PRKG1: variants seen among roughly 807,000 people sequenced by gnomAD.
PRKG1 encodes the protein protein kinase cGMP-dependent 1.
Under a neutral mutation model 88.1 loss-of-function variants are expected in PRKG1, and 35 were observed. The ratio of observed to expected loss-of-function variants is 0.40; its 90% confidence interval spans 0.30 to 0.53. The LOEUF (loss-of-function observed/expected upper bound fraction) is 0.53. PRKG1 is among the 20% of genes least tolerant of loss of function. PRKG1 has a pLI of 0.59. For synonymous variants in PRKG1, 303 were observed against 292.5 expected (o/e 1.04, Z -0.37); for missense variants, 540 against 839.8 (o/e 0.64, Z 4.41).
Position 52,297,042 on chromosome 10 carries a change from A to T in PRKG1, c.*3142A>T, listed in dbSNP as rs886278357. The T allele has an allele frequency of 6.6e-6, 1 of 152,140 alleles. No individual in the cohort carries two copies. The highest frequency in any genetic ancestry group is 2.4e-5 in the African/African-American group (1 of 41,452). The allele number at this position is 152,140 out of a possible 1,614,324, so 9.4% of individuals were successfully genotyped here. A position where few individuals can be genotyped will look rare whatever the true frequency, so the allele number is the denominator to read the frequency against. ...GTCAGCTACCATGTTGAAAATAAGGATATTAGAACTGATTTCATACAATAG... is the reference window on the plus strand; with the variant it reads ...GTCAGCTACCATGTTGAAAATAAGGTTATTAGAACTGATTTCATACAATAG... On this transcript the variant is annotated 3_prime_UTR_variant, in exon 18 of 18. Coordinates refer to ENST00000373980, the MANE Select transcript of PRKG1 (RefSeq NM_006258.4).
At chr10:51,131,819 C>T (rs941731739) in intron 1 of PRKG1, among the ~76,000 whole-genome samples, 4 of 151,992 alleles carry the variant, frequency 2.6e-5, no homozygotes, top group South Asian at 2.1e-4. Context: ...GACTTTCTCA[C>T]GTTATGCAGG....
intron 5 of PRKG1, among the ~76,000 whole-genome samples, chr10:52,000,150 T>A (rs971259623): frequency 1.3e-5 from 2 of 152,072 alleles, no homozygotes; most frequent in African/African-American, 4.8e-5. Flanking sequence ...TTATGGGAGA[T>A]AATAAAAAAG....
At chr10:52,128,353 G>T (rs948895664) in intron 7 of PRKG1, 106 of 985,320 alleles carry the variant, frequency 1.1e-4, no homozygotes, top group Non-Finnish European at 1.2e-4. Context: ...CATACATTCT[G>T]TGTTTGTTCC....
chr10:51,629,849 A>G (rs1406959651), intron 3 of PRKG1, among the ~76,000 whole-genome samples: 1 of 152,198 alleles, frequency 6.6e-6, no homozygotes, highest in Non-Finnish European at 1.5e-5. Flanking sequence ...ATAGATGATC[A>G]TGCACCAGCT....
Position 52,197,241 on chromosome 10 carries a change from A to G in PRKG1, c.1076+35278A>G, listed in dbSNP as rs1282727686. On this transcript the variant is annotated intron_variant, in intron 9 of 17. Transcript: ENST00000373980. ...TCATGAGATAATCTCTAAAGATGCA[A>G]AAGAATTGGATCCCTTCATACATTC... Among the ~76,000 whole-genome samples, 7 of 152,166 alleles carry G rather than the reference A, an allele frequency of 4.6e-5. No individual in the cohort carries two copies. The East Asian group carries it at 1.3e-3, about 29-fold the overall frequency.
intron 5 of PRKG1, among the ~76,000 whole-genome samples, chr10:51,915,805 T>C (rs780466726): frequency 2.6e-5 from 4 of 152,080 alleles, no homozygotes; most frequent in Non-Finnish European, 5.9e-5. Flanking sequence ...TGAATAGACC[T>C]TTCTCCAAAG....
rs77773271 is a variant in PRKG1, at chr10:51,004,985, T to C, written c.266+13341T>C. Among the ~76,000 whole-genome samples the C allele has an allele frequency of 2.8e-3, 420 of 152,304 alleles. 1 individual carries two copies. Among genetic ancestry groups the C allele is most frequent in the Non-Finnish European group, 3.6e-3 (243 of 68,026 alleles). On this transcript the variant is annotated intron_variant, in intron 1 of 17. Coordinates refer to the PRKG1 transcript ENST00000401604. ...AGGCTAGTAGGGAGATTTGGACATATATGGTATTGGAACCACTCAGTGGAG... is the reference window on the plus strand; with the variant it reads ...AGGCTAGTAGGGAGATTTGGACATACATGGTATTGGAACCACTCAGTGGAG...
intron 4 of PRKG1, among the ~76,000 whole-genome samples, chr10:51,878,708 G>T (rs1841364090): frequency 6.6e-6 from 1 of 152,134 alleles, no homozygotes; most frequent in Non-Finnish European, 1.5e-5. Context: ...TTCTATTGAA[G>T]GATTTATTCC....
intron 1 of PRKG1, among the ~76,000 whole-genome samples, chr10:51,057,027 A>G (rs1263572060): frequency 6.6e-6 from 1 of 152,262 alleles, no homozygotes; most frequent in Non-Finnish European, 1.5e-5. Context: ...TGTATACATG[A>G]AAATCATACC....
chr10:51,520,637 A>G (rs1401654401), intron 3 of PRKG1, among the ~76,000 whole-genome samples: 1 of 152,162 alleles, frequency 6.6e-6, no homozygotes, highest in Non-Finnish European at 1.5e-5. Flanking sequence ...TCACAATGAT[A>G]GCTAGAGGAA....
rs530362094 is a variant in PRKG1, at chr10:52,222,301, G to A, written c.1077-29269G>A. Among the ~76,000 whole-genome samples the A allele has an allele frequency of 1.1e-4, 17 of 152,246 alleles. No individual in the cohort carries two copies. In the South Asian group the frequency reaches 3.5e-3, roughly 32 times the overall value. On this transcript the variant is annotated intron_variant, in intron 9 of 17. Coordinates refer to ENST00000373980, the MANE Select transcript of PRKG1 (RefSeq NM_006258.4). ...ACAAGTATATTCTGAGCAGAATGGGGGTCCAGAGAGGGATGGTTTTTAGTC... is the reference window on the plus strand; with the variant it reads ...ACAAGTATATTCTGAGCAGAATGGGAGTCCAGAGAGGGATGGTTTTTAGTC...
intron 8 of PRKG1, among the ~76,000 whole-genome samples, chr10:52,143,554 T>A (rs992717401): frequency 2.0e-5 from 3 of 152,096 alleles, no homozygotes; most frequent in African/African-American, 7.2e-5. Context: ...CCAATAGAAC[T>A]TGTGCCAGGA....
At chr10:51,227,125 G>A (rs1168442531) in intron 2 of PRKG1, among the ~76,000 whole-genome samples, 2 of 149,928 alleles carry the variant, frequency 1.3e-5, no homozygotes, top group Non-Finnish European at 3.0e-5. Context: ...TAATGTACAG[G>A]AATAATTATA....
At chr10:51,007,265 G>C (rs1033687489) in intron 1 of PRKG1, among the ~76,000 whole-genome samples, 1 of 152,074 alleles carries the variant, frequency 6.6e-6, no homozygotes, top group Non-Finnish European at 1.5e-5. Context: ...TTCTTAATTT[G>C]TAGTTATCTC....
intron 3 of PRKG1, among the ~76,000 whole-genome samples, chr10:51,596,187 C>T (rs1234229162): frequency 6.6e-6 from 1 of 152,144 alleles, no homozygotes; most frequent in South Asian, 2.1e-4. Flanking sequence ...TCTTCAAAAA[C>T]CAGAACTATG....
chr10:51,118,190 C>A (rs563434322), intron 1 of PRKG1, among the ~76,000 whole-genome samples: 1 of 151,972 alleles, frequency 6.6e-6, no homozygotes, highest in East Asian at 1.9e-4. Flanking sequence ...TGTTTTATGG[C>A]ATTTGGCCAA....
At chr10:51,498,410 C>T (rs1840924205) in intron 3 of PRKG1, among the ~76,000 whole-genome samples, 1 of 151,908 alleles carries the variant, frequency 6.6e-6, no homozygotes, top group South Asian at 2.1e-4. Context: ...AGAATTGTTC[C>T]CTTAGAAGTT....
intron 9 of PRKG1, among the ~76,000 whole-genome samples, chr10:52,193,575 A>AAAACCAAAAAAAAAAAAC (rs375607984): frequency 7.1e-6 from 1 of 140,950 alleles, no homozygotes; most frequent in Non-Finnish European, 1.5e-5. Context: ...AAAAAAAAAA[A>AAAACCAAAAAAAAAAAAC]CAAAAAAAAA....
At chr10:51,049,868 T>TAAAATAAAA (rs1843539728) in intron 1 of PRKG1, among the ~76,000 whole-genome samples, 1 of 152,162 alleles carries the variant, frequency 6.6e-6, no homozygotes, top group South Asian at 2.1e-4. Flanking sequence ...AATCCGAAAG[T>TAAAATAAAA]ACCCATATGC....
Sources: gnomAD v4.1 joint callset for allele counts (sites outside exome capture counted in the v4.1 genomes callset) on GRCh38, gnomAD v4.1.1 for gene constraint, MANE v1.5 for transcripts, NCBI Gene and HGNC (gene_info 2026-07-23, HGNC 2026-07-21) for gene names.